Variants in CDH23 observed in about 807,000 individuals in gnomAD.
CDH23 encodes cadherin-23.
CDH23 carries 189 observed loss-of-function variants against 317.1 expected under a neutral mutation model. That is an observed-to-expected ratio of 0.60 (90% confidence interval 0.53 to 0.67). The LOEUF is 0.67. Ranked by LOEUF, CDH23 falls within the 30% of genes least tolerant of loss-of-function variation. The pLI is 0.00. For synonymous variants in CDH23, 1,839 were observed against 1,876.8 expected (o/e 0.98, Z 0.52); for missense variants, 4,401 against 4,592.4 (o/e 0.96, Z 1.20).
chr10:71,401,118 G>A (rs545860105), intron 1 of CDH23, among the ~76,000 whole-genome samples: 2 of 152,314 alleles, frequency 1.3e-5, no homozygotes, highest in African/African-American at 4.8e-5. Flanking sequence ...GCCCTCAGTA[G>A]AGAAGTGCAG....
At chr10:71,746,796 T>A (rs1589392781) in intron 38 of CDH23, among the ~76,000 whole-genome samples, 1 of 152,032 alleles carries the variant, frequency 6.6e-6, no homozygotes, top group Non-Finnish European at 1.5e-5. Context: ...CTCAGGCTGG[T>A]GAGGACCTGC....
intron 6 of CDH23, among the ~76,000 whole-genome samples, chr10:71,531,397 A>G (rs902647620): frequency 6.6e-6 from 1 of 152,182 alleles, no homozygotes; most frequent in Non-Finnish European, 1.5e-5. Context: ...CTGAACCTCC[A>G]TTGACACCCA....
chr10:71,589,811 G>A (rs931734172), intron 9 of CDH23, among the ~76,000 whole-genome samples: 4 of 152,256 alleles, frequency 2.6e-5, no homozygotes, highest in Admixed American at 6.5e-5. Flanking sequence ...AAACTAGGGA[G>A]TAATAATGAC....
intron 11 of CDH23, among the ~76,000 whole-genome samples, chr10:71,639,646 TG>T (rs918202518): frequency 6.6e-6 from 1 of 152,204 alleles, no homozygotes; most frequent in African/African-American, 2.4e-5. Context: ...TTACCCCCTC[TG>T]GCCCCAGTTT....
chr10:71,814,890 C>T, intron 69 of CDH23, 62 bp from the exon 70 acceptor site: 2 of 1,507,758 alleles, frequency 1.3e-6, no homozygotes, highest in South Asian at 1.3e-5. Context: ...GTCTCTGGGG[C>T]CATCCACCTG....
intron 14 of CDH23, among the ~76,000 whole-genome samples, chr10:71,668,088 A>G (rs1863989034): frequency 6.6e-6 from 1 of 152,096 alleles, no homozygotes; most frequent in African/African-American, 2.4e-5. Flanking sequence ...GTCTGTGGGA[A>G]GCACCTGCTT....
chr10:71,807,190 A>G, intron 57 of CDH23, 87 bp from the exon 58 acceptor site: 1 of 1,523,300 alleles, frequency 6.6e-7, no homozygotes, highest in Non-Finnish European at 8.9e-7. Flanking sequence ...CAGCACCTAC[A>G]AAGTCACTGC....
Position 71,793,293 on chromosome 10 carries a change from C to G in CDH23, c.6365C>G (p.Thr2122Ser), listed in dbSNP as rs1841312116. 6.2e-7 allele frequency: 1 copy of G among 1,613,978 alleles called. No individual in the cohort carries two copies. The highest frequency in any genetic ancestry group is 8.5e-7 in the Non-Finnish European group (1 of 1,179,878). ...GACCGCTTCCTCATTCATCTGGTCA[C>G]CGGGGTCATCCGTGTTGGTAATGCC... ...AQDRFLIHLV[T>S]GVIRVGNATI... The change falls in exon 48 of 70, where the codon ACC becomes AGC. Residue 2122 changes from threonine to serine, a missense_variant. Physicochemically the swap from Thr to Ser is moderately conservative, Grantham distance 58. This residue lies in a region of CDH23 where 3,068 missense variants were observed against 3,203.3 expected (regional missense o/e 0.96). Coordinates refer to ENST00000224721, the MANE Select transcript of CDH23 (RefSeq NM_022124.6).
At chr10:71,586,628 C>T (rs1381270526) in intron 9 of CDH23, among the ~76,000 whole-genome samples, 4 of 152,194 alleles carry the variant, frequency 2.6e-5, no homozygotes, top group Admixed American at 1.3e-4. Context: ...ACCTTACCCA[C>T]ACCTTACCAC....
chr10:71,697,368 G>C (rs1247637564), intron 22 of CDH23, among the ~76,000 whole-genome samples: 1 of 152,200 alleles, frequency 6.6e-6, no homozygotes, highest in Non-Finnish European at 1.5e-5. Flanking sequence ...TCAGGCTGAG[G>C]GTACAGGAAG....
At chr10:71,814,745 C>G (rs1029251622) in intron 69 of CDH23, among the ~76,000 whole-genome samples, 11 of 152,086 alleles carry the variant, frequency 7.2e-5, no homozygotes, top group Non-Finnish European at 1.5e-4. Context: ...CAGATTTTCA[C>G]AAGAAGCCAA....
At chr10:71,606,882 C>G (rs567842888) in intron 9 of CDH23, among the ~76,000 whole-genome samples, 4 of 152,156 alleles carry the variant, frequency 2.6e-5, no homozygotes, top group African/African-American at 4.8e-5. Context: ...CGGTCTTCCC[C>G]CACCCCGACT....
At chr10:71,684,309 A>G (rs574030743) in intron 18 of CDH23, among the ~76,000 whole-genome samples, 2 of 152,004 alleles carry the variant, frequency 1.3e-5, no homozygotes, top group Non-Finnish European at 2.9e-5. Flanking sequence ...TCGTAGCTGC[A>G]CTCACAACCC....
intron 53 of CDH23, among the ~76,000 whole-genome samples, chr10:71,801,587 C>G (rs75951345): frequency 0.012 from 1,902 of 152,316 alleles, 31 homozygotes; most frequent in Non-Finnish European, 0.02. Context: ...TGCAAAGTCC[C>G]AGGCCTCAAG....
intron 38 of CDH23, among the ~76,000 whole-genome samples, chr10:71,759,996 CACAT>C (rs1554868579): frequency 0.013 from 486 of 38,842 alleles, 97 homozygotes; most frequent in African/African-American, 0.023. Context: ...TATACACACA[CACAT>C]ACATATATAT....
chr10:71,482,645 A>G (rs117445459), intron 3 of CDH23, among the ~76,000 whole-genome samples: 2,069 of 152,314 alleles, frequency 0.014, 26 homozygotes, highest in Non-Finnish European at 0.021. Context: ...GGTTAGGGGT[A>G]TCATCAATGC....
At chr10:71,585,027 G>C (rs1463943486) in intron 9 of CDH23, among the ~76,000 whole-genome samples, 2 of 152,192 alleles carry the variant, frequency 1.3e-5, no homozygotes, top group Non-Finnish European at 2.9e-5. Flanking sequence ...GGGTCACCAG[G>C]AGATTCATCA....
In CDH23 at chr10:71,815,035, G is replaced by A; in HGVS notation, c.9822G>A (p.Val3274=). The A allele has an allele frequency of 6.2e-7, 1 of 1,612,732 alleles. No individual in the cohort carries two copies. Residue 3274 remains valine, a synonymous_variant, in exon 70 of 70, where the codon GTG becomes GTA. Coordinates refer to ENST00000224721, the MANE Select transcript of CDH23 (RefSeq NM_022124.6). ...GSLRFRHKPP[V]ELKGPDGIHV... Reference sequence around the variant, plus strand: ...TGCGCTTCCGCCACAAGCCACCAGTGGAGCTCAAGGGGCCCGATGGGATCC... The same window carrying A: ...TGCGCTTCCGCCACAAGCCACCAGTAGAGCTCAAGGGGCCCGATGGGATCC...
At chr10:71,583,460 G>A (rs530766291) in intron 9 of CDH23, among the ~76,000 whole-genome samples, 24 of 152,214 alleles carry the variant, frequency 1.6e-4, no homozygotes, top group African/African-American at 5.8e-4. Context: ...ACAGCAGGTA[G>A]GAGCAGGTAG....
Sources: gnomAD v4.1 joint callset for allele counts (sites outside exome capture counted in the v4.1 genomes callset) on GRCh38, gnomAD v4.1.1 for gene constraint, gnomAD v4.1.1 regional missense constraint, MANE v1.5 for transcripts, NCBI Gene and HGNC (gene_info 2026-07-23, HGNC 2026-07-21) for gene names.